The following NEK9 variants were observed in gnomAD, a reference collection of about 807,000 sequenced individuals.
The protein encoded by NEK9 is serine/threonine-protein kinase Nek9.
A neutral mutation model predicts 123.4 loss-of-function variants in NEK9; 75 were observed. The observed-to-expected ratio is 0.61, with a 90% confidence interval of 0.50 to 0.74. NEK9 has a LOEUF of 0.74. Ranked by LOEUF, NEK9 falls within the 30% of genes least tolerant of loss-of-function variation. The pLI is 0.00. For missense variants in NEK9, 952 were observed against 1,214.4 expected (o/e 0.78, Z 3.21); for synonymous variants, 438 against 458.7 (o/e 0.95, Z 0.58).
At position 75,107,881 on chromosome 14, in the gene NEK9, A is replaced by C. The variant is rs552977990; in HGVS notation, c.1183-394T>G. The stretch of plus-strand genomic sequence containing the variant: ...TATCCAGATTAATATCCATTAATCT[A>C]ATCTTTGTCCTTCAAGTCTAAGGTA... On this transcript the variant is annotated intron_variant, in intron 10 of 21. Transcript: ENST00000238616. Among the ~76,000 whole-genome samples, 8 of 152,338 alleles carry C rather than the reference A, an allele frequency of 5.3e-5. No individual in the cohort carries two copies. In the East Asian group the frequency reaches 1.5e-3, roughly 29 times the overall value.
intron 17 of NEK9, 149 bp downstream of exon 17, chr14:75,096,951 C>A: frequency 1.8e-6 from 1 of 549,732 alleles, no homozygotes; most frequent in East Asian, 3.2e-5. Context: ...CTGTTCCCAC[C>A]ACTAGGCATG....
At position 75,119,056 on chromosome 14, in the gene NEK9, C is replaced by G. The variant is rs1247377763; in HGVS notation, c.525-121G>C. ...GTGGGCCGGGTACAGTGGCTCACAT[C>G]TGTAATCTCAGCACTTTGGGAGGGC... On this transcript the variant is annotated intron_variant, in intron 4 of 21. Coordinates refer to ENST00000238616, the MANE Select transcript of NEK9 (RefSeq NM_033116.6). The G allele has an allele frequency of 2.0e-5, 13 of 638,538 alleles. No individual in the cohort carries two copies. In the Admixed American group the frequency reaches 3.4e-4, roughly 17 times the overall value. 39.6% of individuals were successfully genotyped at this position (638,538 alleles called of 1,614,324 possible). A position where few individuals can be genotyped will look rare whatever the true frequency, so the allele number is the denominator to read the frequency against.
intron 10 of NEK9, among the ~76,000 whole-genome samples, chr14:75,108,508 C>CGTATGCGTGT (rs1202346303): frequency 1.7e-3 from 140 of 82,344 alleles, no homozygotes; most frequent in African/African-American, 6.4e-3. Context: ...TATGTGTGTG[C>CGTATGCGTGT]GTGTGCGTGT....
chr14:75,087,511 G>C (rs1894067832), intron 20 of NEK9, among the ~76,000 whole-genome samples: 1 of 152,024 alleles, frequency 6.6e-6, no homozygotes, highest in Non-Finnish European at 1.5e-5. Context: ...AAAGCACCTT[G>C]GTATCTTCTC....
rs1007309303 is a variant in NEK9, at chr14:75,080,089, T to A, written c.*4475A>T. Reference sequence around the variant, plus strand: ...GCTCATGCCTGTAATCCCAGCACTTTGGGAGGCCGAGGTGGGCGGATCACA... The same window carrying A: ...GCTCATGCCTGTAATCCCAGCACTTAGGGAGGCCGAGGTGGGCGGATCACA... On this transcript the variant is annotated 3_prime_UTR_variant, in exon 22 of 22. Transcript: ENST00000238616. 7.9e-5 allele frequency: 12 copies of A among 152,304 alleles called. No homozygotes were observed. Among genetic ancestry groups the A allele is most frequent in the African/African-American group, 2.9e-4 (12 of 41,392 alleles). The allele number at this position is 152,304 out of a possible 1,614,324, so 9.4% of individuals were successfully genotyped here.
Position 75,117,244 on chromosome 14 carries a change from C to G in NEK9, c.713G>C (p.Gly238Ala). ...GGTAAGCAGTTCAAAAATGACGCAGCCAACTGCCCAGATATCAGACTTGAA... is the reference window on the plus strand; with the variant it reads ...GGTAAGCAGTTCAAAAATGACGCAGGCAACTGCCCAGATATCAGACTTGAA... ...YNFKSDIWAV[G>A]CVIFELLTLK... The change falls in exon 6 of 22, where the codon GGC becomes GCC. Residue 238 changes from glycine to alanine, a missense_variant. Physicochemically the swap from Gly to Ala is moderately conservative, Grantham distance 60. This residue lies in a region of NEK9 where 28 missense variants were observed against 88.3 expected (regional missense o/e 0.32). Transcript: ENST00000238616. The G allele has an allele frequency of 1.9e-6, 3 of 1,613,984 alleles. No individual in the cohort carries two copies. Among genetic ancestry groups the G allele is most frequent in the Non-Finnish European group, 2.5e-6 (3 of 1,179,986 alleles).
intron 19 of NEK9, 106 bp downstream of exon 19, chr14:75,091,164 C>A (rs892051582): frequency 1.7e-4 from 153 of 889,862 alleles, no homozygotes; most frequent in Non-Finnish European, 2.5e-4. Flanking sequence ...TCAGGATGCA[C>A]AACAGTTTAC....
intron 6 of NEK9, among the ~76,000 whole-genome samples, chr14:75,115,019 A>G (rs1212246872): frequency 6.6e-6 from 1 of 150,966 alleles, no homozygotes; most frequent in Non-Finnish European, 1.5e-5. Flanking sequence ...ACACACACAT[A>G]TATGTGTATA....
chr14:75,091,071 G>A (rs905886114), intron 19 of NEK9, among the ~76,000 whole-genome samples, 199 bp downstream of exon 19: 4 of 152,192 alleles, frequency 2.6e-5, no homozygotes, highest in Admixed American at 6.5e-5. Flanking sequence ...ACAAGGGTAT[G>A]AGAACATTTT....
intron 19 of NEK9, among the ~76,000 whole-genome samples, chr14:75,090,432 T>TA (rs1894177011): frequency 6.6e-6 from 1 of 152,176 alleles, no homozygotes; most frequent in Admixed American, 6.5e-5. Flanking sequence ...TGTCAATACA[T>TA]AGTCTTGTTG....
chr14:75,103,351 T>G lies in NEK9; in HGVS notation c.1731+491A>C, dbSNP rs183302427. Reference sequence around the variant, plus strand: ...AATCAAAAAAACTCCAGGAAGGTGATGCATGGAAATATGTTTTTTTTTATA... The same window carrying G: ...AATCAAAAAAACTCCAGGAAGGTGAGGCATGGAAATATGTTTTTTTTTATA... On this transcript the variant is annotated intron_variant, in intron 14 of 21. Transcript: ENST00000238616. Among the ~76,000 whole-genome samples, 7 of 152,290 alleles carry G rather than the reference T, an allele frequency of 4.6e-5. No homozygotes were observed. In the East Asian group the frequency reaches 1.3e-3, roughly 29 times the overall value.
At position 75,101,121 on chromosome 14, in the gene NEK9, T is replaced by C; in HGVS notation, c.1873A>G (p.Lys625Glu). Residue 625 changes from lysine (K) to glutamate (E), a missense_variant, in exon 16 of 22, where the codon AAG (lysine) becomes GAG (glutamate). Transcript: ENST00000238616. ...TTCCCAACGCCCAGCTGCCCACACT[T>C]GTTGCAGCCAAAGGTCAGCAGCCGG... ...RGRLLTFGCNKCGQLGVGNYK... is the reference protein window; with the variant it reads ...RGRLLTFGCNECGQLGVGNYK... 6.2e-7 allele frequency: 1 copy of C among 1,614,240 alleles called. No homozygotes were observed. Among genetic ancestry groups the C allele is most frequent in the Non-Finnish European group, 8.5e-7 (1 of 1,180,042 alleles).
chr14:75,108,512 TGC>T (rs776842742), intron 10 of NEK9, among the ~76,000 whole-genome samples: 22 of 75,562 alleles, frequency 2.9e-4, no homozygotes, highest in Non-Finnish European at 4.2e-4. Flanking sequence ...TGTGTGCGTG[TGC>T]GTGTGTGTGT....
intron 17 of NEK9, among the ~76,000 whole-genome samples, chr14:75,096,416 T>C (rs1594829148): frequency 6.6e-6 from 1 of 152,228 alleles, no homozygotes; most frequent in East Asian, 1.9e-4. Context: ...AAGTAATCTT[T>C]ATGCAGAAAG....
At position 75,080,552 on chromosome 14, in the gene NEK9, G is replaced by T. The variant is rs1330604367; in HGVS notation, c.*4012C>A. 6.6e-6 allele frequency: 1 copy of T among 151,938 alleles called. No individual in the cohort carries two copies. The highest frequency in any genetic ancestry group is 2.4e-5 in the African/African-American group (1 of 41,354). 9.4% of individuals were successfully genotyped at this position (151,938 alleles called of 1,614,324 possible). On this transcript the variant is annotated 3_prime_UTR_variant, in exon 22 of 22. Transcript: ENST00000238616. ...AAGTAAACATTATAAAGTTCATAAG[G>T]TTACACCATAGGAGAAATTTCACGG... is the stretch of plus-strand genomic sequence containing the variant.
chr14:75,124,262 C>T (rs1895441676), intron 1 of NEK9, 39 bp from the exon 2 acceptor site: 2 of 1,586,264 alleles, frequency 1.3e-6, no homozygotes, highest in East Asian at 2.2e-5. Flanking sequence ...TTTCCTCTTG[C>T]CTGGCAGCAA....
intron 8 of NEK9, 100 bp downstream of exon 8, chr14:75,113,239 C>A (rs1011738248): frequency 3.2e-6 from 3 of 927,638 alleles, no homozygotes; most frequent in Non-Finnish European, 5.1e-6. Context: ...ACTATTGCAA[C>A]CAAGTCAGGA....
intron 3 of NEK9, 155 bp downstream of exon 3, chr14:75,120,961 CTTG>C (rs773774890): frequency 1.4e-6 from 1 of 716,056 alleles, no homozygotes; most frequent in South Asian, 1.5e-5. Flanking sequence ...AGACAGCTTC[CTTG>C]TTAGAGGTTT....
chr14:75,090,451 T>C (rs1013130297), intron 19 of NEK9, among the ~76,000 whole-genome samples: 11 of 152,202 alleles, frequency 7.2e-5, no homozygotes, highest in African/African-American at 2.2e-4. Flanking sequence ...TGACATTCTT[T>C]TGTGTGTTAC....
Sources: gnomAD v4.1 joint callset for allele counts (sites outside exome capture counted in the v4.1 genomes callset) on GRCh38, gnomAD v4.1.1 for gene constraint, gnomAD v4.1.1 regional missense constraint, MANE v1.5 for transcripts, NCBI Gene and HGNC (gene_info 2026-07-23, HGNC 2026-07-21) for gene names.